The following ZNF474 variants were observed in gnomAD, a reference collection of about 807,000 sequenced individuals.
ZNF474 encodes the protein 4933409D10Rik.
For synonymous variants in ZNF474, 192 were observed against 162.2 expected (o/e 1.18, Z -1.39); for missense variants, 511 against 433.8 (o/e 1.18, Z -1.58).
chr5:122,151,007 C>T (rs576465206), intron 1 of ZNF474, among the ~76,000 whole-genome samples: 2 of 152,242 alleles, frequency 1.3e-5, no homozygotes, highest in South Asian at 4.2e-4. Context: ...TACCCTATTC[C>T]CATAATAAAC....
At chr5:122,138,621 AG>A (rs1184540924) in intron 1 of ZNF474, among the ~76,000 whole-genome samples, 2 of 152,258 alleles carry the variant, frequency 1.3e-5, no homozygotes, top group African/African-American at 4.8e-5. Context: ...CATATGACCT[AG>A]TTACAATCCA....
intron 1 of ZNF474, among the ~76,000 whole-genome samples, chr5:122,132,099 T>A (rs1449221537): frequency 6.6e-6 from 1 of 152,164 alleles, no homozygotes; most frequent in East Asian, 1.9e-4. Flanking sequence ...CCTATACTTC[T>A]TTAGCATTTG....
chr5:122,135,139 A>T (rs529429890), intron 1 of ZNF474, among the ~76,000 whole-genome samples: 23 of 152,294 alleles, frequency 1.5e-4, no homozygotes, highest in African/African-American at 4.8e-4. Context: ...AGGAGCCCAA[A>T]CAACTCAATA....
intron 1 of ZNF474, among the ~76,000 whole-genome samples, chr5:122,140,601 C>T (rs1398388889): frequency 1.3e-5 from 2 of 152,126 alleles, no homozygotes; most frequent in Non-Finnish European, 2.9e-5. Context: ...GAGTGAAATA[C>T]ACCTAGTATA....
chr5:122,142,638 G>A (rs1165829216), intron 1 of ZNF474, among the ~76,000 whole-genome samples: 1 of 152,178 alleles, frequency 6.6e-6, no homozygotes, highest in East Asian at 1.9e-4. Context: ...TGGGAAATGA[G>A]AATTTGTAGG....
chr5:122,144,404 T>G (rs1486687604), intron 1 of ZNF474, among the ~76,000 whole-genome samples: 1 of 152,202 alleles, frequency 6.6e-6, no homozygotes, highest in African/African-American at 2.4e-5. Context: ...AGGCTGGCTC[T>G]CTGAGCTACA....
At chr5:122,139,840 G>A (rs893296310) in intron 1 of ZNF474, among the ~76,000 whole-genome samples, 1 of 152,166 alleles carries the variant, frequency 6.6e-6, no homozygotes, top group Non-Finnish European at 1.5e-5. Flanking sequence ...TCAAGATAGA[G>A]AAGAAAAAAG....
intron 1 of ZNF474, among the ~76,000 whole-genome samples, chr5:122,129,904 A>T (rs1321986911): frequency 6.6e-6 from 1 of 152,214 alleles, no homozygotes; most frequent in Non-Finnish European, 1.5e-5. Context: ...AAAAATCTCA[A>T]GTATTACTAA....
At chr5:122,143,723 A>G (rs953494252) in intron 1 of ZNF474, among the ~76,000 whole-genome samples, 1 of 152,220 alleles carries the variant, frequency 6.6e-6, no homozygotes, top group Non-Finnish European at 1.5e-5. Flanking sequence ...GCAAATCTTT[A>G]CAATCCAACT....
At chr5:122,142,322 C>G (rs772670172) in intron 1 of ZNF474, among the ~76,000 whole-genome samples, 5 of 152,216 alleles carry the variant, frequency 3.3e-5, no homozygotes, top group Non-Finnish European at 5.9e-5. Context: ...AAACTCTTCC[C>G]ATCCAATATC....
chr5:122,135,527 C>T (rs1357935301), intron 1 of ZNF474, among the ~76,000 whole-genome samples: 1 of 152,094 alleles, frequency 6.6e-6, no homozygotes, highest in Non-Finnish European at 1.5e-5. Flanking sequence ...AAGGGCAACC[C>T]TTGTACACTG....
At chr5:122,130,496 A>T (rs1045256199) in intron 1 of ZNF474, among the ~76,000 whole-genome samples, 1 of 152,164 alleles carries the variant, frequency 6.6e-6, no homozygotes, top group African/African-American at 2.4e-5. Context: ...AAGCATTTCA[A>T]TGTGGGTTTT....
chr5:122,150,871 T>TA (rs887700677), intron 1 of ZNF474, among the ~76,000 whole-genome samples: 5 of 152,082 alleles, frequency 3.3e-5, no homozygotes, highest in African/African-American at 9.7e-5. Flanking sequence ...ACCTTTTTAA[T>TA]AAAAAAAGAG....
chr5:122,138,164 G>T (rs1755752918), intron 1 of ZNF474, among the ~76,000 whole-genome samples: 1 of 152,136 alleles, frequency 6.6e-6, no homozygotes, highest in South Asian at 2.1e-4. Context: ...AGATGAGAAG[G>T]GGAGCAGAAG....
chr5:122,137,312 G>T (rs760541556), intron 1 of ZNF474, among the ~76,000 whole-genome samples: 1 of 151,818 alleles, frequency 6.6e-6, no homozygotes, highest in African/African-American at 2.4e-5. Context: ...GCCAGGCGTG[G>T]TGGCAGGTGC....
chr5:122,132,776 C>T (rs1224216463), intron 1 of ZNF474, among the ~76,000 whole-genome samples: 1 of 152,126 alleles, frequency 6.6e-6, no homozygotes, highest in Non-Finnish European at 1.5e-5. Context: ...GCATCTTCAT[C>T]AAAAATGAAT....
At chr5:122,137,737 A>G (rs886611969) in intron 1 of ZNF474, among the ~76,000 whole-genome samples, 1 of 152,204 alleles carries the variant, frequency 6.6e-6, no homozygotes, top group Non-Finnish European at 1.5e-5. Context: ...GGGAGGTACC[A>G]GGTTACAGAG....
At chr5:122,145,816 G>C (rs1755973673) in intron 1 of ZNF474, among the ~76,000 whole-genome samples, 1 of 152,168 alleles carries the variant, frequency 6.6e-6, no homozygotes, top group Non-Finnish European at 1.5e-5. Flanking sequence ...GTAATATGCA[G>C]CTTGAATATC....
intron 1 of ZNF474, among the ~76,000 whole-genome samples, chr5:122,131,635 G>A (rs1424721854): frequency 6.6e-6 from 1 of 151,978 alleles, no homozygotes; most frequent in African/African-American, 2.4e-5. Flanking sequence ...TTAGATATAT[G>A]TTTTTATTTA....
Sources: gnomAD v4.1 joint callset for allele counts (sites outside exome capture counted in the v4.1 genomes callset) on GRCh38, gnomAD v4.1.1 for gene constraint, MANE v1.5 for transcripts, NCBI Gene and HGNC (gene_info 2026-07-23, HGNC 2026-07-21) for gene names.